Variants in ADAMTSL1 observed in about 807,000 individuals in gnomAD.
ADAMTSL1 encodes ADAMTS like 1.
Under a neutral mutation model 201.8 loss-of-function variants are expected in ADAMTSL1, and 126 were observed. The observed-to-expected ratio is 0.62, with a 90% confidence interval of 0.54 to 0.72. ADAMTSL1 has a LOEUF of 0.72. Among genes scored for constraint, ADAMTSL1 ranks in the 30% least tolerant of loss-of-function variants. The pLI, the probability that ADAMTSL1 is intolerant of heterozygous loss-of-function variation, is 0.00. For missense variants in ADAMTSL1, 2,679 were observed against 2,277.8 expected (o/e 1.18, Z -3.59); for synonymous variants, 1,121 against 903.4 (o/e 1.24, Z -4.32).
chr9:17,978,889 T>G (rs891016298), intron 1 of ADAMTSL1, among the ~76,000 whole-genome samples: 4 of 152,152 alleles, frequency 2.6e-5, no homozygotes, highest in Admixed American at 6.6e-5. Context: ...CAGTTCTTGT[T>G]TGTCTGAGAG....
Position 18,731,531 on chromosome 9 carries a change from C to T in ADAMTSL1, c.2006+9866C>T, listed in dbSNP as rs1000511289. Among the ~76,000 whole-genome samples, 11 of 151,430 alleles carry T rather than the reference C, an allele frequency of 7.3e-5. No homozygotes were observed. In the South Asian group the frequency reaches 1.0e-3, roughly 14 times the overall value. On this transcript the variant is annotated intron_variant, in intron 15 of 28. Transcript: ENST00000380548. Reference sequence around the variant, plus strand: ...CTGTTGTCCCAGCTACTCAAGAGACCGAGGTGGGAGGATCACTTGAGCTCA... The same window carrying T: ...CTGTTGTCCCAGCTACTCAAGAGACTGAGGTGGGAGGATCACTTGAGCTCA...
upstream of ADAMTSL1, among the ~76,000 whole-genome samples, chr9:18,473,097 T>C (rs1821281753): frequency 6.6e-6 from 1 of 152,160 alleles, no homozygotes; most frequent in Non-Finnish European, 1.5e-5. Context: ...TCCAAGGTCA[T>C]CCCATCCAAC....
At chr9:18,857,910 C>T (rs1348310796) in intron 23 of ADAMTSL1, among the ~76,000 whole-genome samples, 1 of 152,172 alleles carries the variant, frequency 6.6e-6, no homozygotes. Flanking sequence ...AACTTCATTA[C>T]TTTCTGGCAC....
intron 2 of ADAMTSL1, among the ~76,000 whole-genome samples, chr9:18,181,685 G>T (rs1359533105): frequency 6.6e-6 from 1 of 151,962 alleles, no homozygotes; most frequent in Admixed American, 6.6e-5. Context: ...TTACACTGTT[G>T]GTGGGACTGT....
intron 25 of ADAMTSL1, among the ~76,000 whole-genome samples, chr9:18,891,672 A>T (rs1003546601): frequency 7.9e-5 from 12 of 152,218 alleles, no homozygotes; most frequent in African/African-American, 2.7e-4. Context: ...ACGCCAAGAG[A>T]TGGAACTTTA....
At chr9:18,025,829 T>C (rs1820670055) in intron 1 of ADAMTSL1, among the ~76,000 whole-genome samples, 6 of 152,122 alleles carry the variant, frequency 3.9e-5, no homozygotes, top group Admixed American at 3.3e-4. Context: ...GTTGAATCTA[T>C]AGATTGCTTT....
chr9:18,263,903 C>T (rs1284698341), intron 2 of ADAMTSL1, among the ~76,000 whole-genome samples: 4 of 152,118 alleles, frequency 2.6e-5, no homozygotes, highest in African/African-American at 9.7e-5. Flanking sequence ...CTTTTAGCTT[C>T]CAGAACTGTG....
intron 2 of ADAMTSL1, among the ~76,000 whole-genome samples, chr9:18,513,090 TCTC>T (rs1818131571): frequency 6.6e-6 from 1 of 152,160 alleles, no homozygotes; most frequent in African/African-American, 2.4e-5. Flanking sequence ...TTAGAGCTAA[TCTC>T]CTCTCTAATT....
chr9:18,770,900 G>C (rs1820653449), intron 17 of ADAMTSL1, 119 bp downstream of exon 17: 3 of 1,111,716 alleles, frequency 2.7e-6, no homozygotes, highest in Non-Finnish European at 3.8e-6. Flanking sequence ...TTATGGAATA[G>C]TATTTTTGTA....
intron 2 of ADAMTSL1, among the ~76,000 whole-genome samples, chr9:18,364,907 C>T (rs1376493808): frequency 1.3e-5 from 2 of 152,056 alleles, no homozygotes; most frequent in Admixed American, 6.5e-5. Flanking sequence ...AGTACCAAAG[C>T]GGGTACTAAA....
At chr9:18,336,636 T>C (rs1158517079) in intron 2 of ADAMTSL1, among the ~76,000 whole-genome samples, 1 of 152,004 alleles carries the variant, frequency 6.6e-6, no homozygotes, top group Non-Finnish European at 1.5e-5. Flanking sequence ...TATAGATGGG[T>C]GAAGTGGAAG....
intron 2 of ADAMTSL1, among the ~76,000 whole-genome samples, chr9:18,173,973 T>A (rs1828022424): frequency 6.6e-6 from 1 of 152,140 alleles, no homozygotes; most frequent in African/African-American, 2.4e-5. Context: ...AGAGTTAATG[T>A]TAAACAAACT....
chr9:18,377,052 A>T (rs1258629490), intron 2 of ADAMTSL1, among the ~76,000 whole-genome samples: 4 of 152,236 alleles, frequency 2.6e-5, no homozygotes, highest in Non-Finnish European at 5.9e-5. Flanking sequence ...TCACAGGTAG[A>T]GCCTGATAGA....
intron 1 of ADAMTSL1, among the ~76,000 whole-genome samples, chr9:18,142,397 G>A (rs79811056): frequency 0.034 from 5,106 of 152,220 alleles, 122 homozygotes; most frequent in Non-Finnish European, 0.054. Context: ...AATTAAGACC[G>A]GCTCTTCTTT....
At chr9:18,795,012 G>C (rs1043758848) in intron 19 of ADAMTSL1, among the ~76,000 whole-genome samples, 6 of 152,152 alleles carry the variant, frequency 3.9e-5, no homozygotes, top group African/African-American at 1.4e-4. Flanking sequence ...CTTCTCTTTT[G>C]TAACTTTGCT....
chr9:18,225,322 A>C (rs1830401558), intron 2 of ADAMTSL1, among the ~76,000 whole-genome samples: 1 of 152,180 alleles, frequency 6.6e-6, no homozygotes, highest in East Asian at 1.9e-4. Flanking sequence ...GTTTAACAGA[A>C]GCTTAGACAT....
chr9:18,432,179 A>G (rs1819523158), intron 2 of ADAMTSL1, among the ~76,000 whole-genome samples: 1 of 152,176 alleles, frequency 6.6e-6, no homozygotes, highest in Non-Finnish European at 1.5e-5. Context: ...CATAGATTAC[A>G]TAAAATAATC....
chr9:18,732,116 G>T (rs944717), intron 15 of ADAMTSL1, among the ~76,000 whole-genome samples: 110,970 of 152,140 alleles, frequency 0.73, 41,208 homozygotes, highest in African/African-American at 0.87. Flanking sequence ...CTACCTCATA[G>T]AGCAGGCACT....
intron 1 of ADAMTSL1, among the ~76,000 whole-genome samples, chr9:18,148,185 G>A (rs1826738377): frequency 6.6e-6 from 1 of 152,028 alleles, no homozygotes; most frequent in Admixed American, 6.6e-5. Context: ...TAGAGTTTTG[G>A]TAGAGAAGGG....
Sources: gnomAD v4.1 joint callset for allele counts (sites outside exome capture counted in the v4.1 genomes callset) on GRCh38, gnomAD v4.1.1 for gene constraint, MANE v1.5 for transcripts, NCBI Gene and HGNC (gene_info 2026-07-23, HGNC 2026-07-21) for gene names.